Variants in XPA observed in about 807,000 individuals in gnomAD.
The protein encoded by XPA is DNA repair protein complementing XP-A cells.
A neutral mutation model predicts 35.7 loss-of-function variants in XPA; 27 were observed. The observed-to-expected ratio is 0.76, with a 90% CI of 0.56 to 1.04. The LOEUF is 1.04. Among genes scored for constraint, XPA ranks in the 50% least tolerant of loss-of-function variants. The pLI is 0.00. For missense variants in XPA, 354 were observed against 342.7 expected, an observed-to-expected ratio of 1.03 and a Z score of -0.26; for synonymous variants, 133 against 118.4, an observed-to-expected ratio of 1.12 and a Z score of -0.80.
intron 2 of XPA, 85 bp downstream of exon 2, chr9:97,693,564 A>T (rs983995389): frequency 3.4e-6 from 4 of 1,182,728 alleles, no homozygotes; most frequent in Non-Finnish European, 5.0e-6. Flanking sequence ...TAGTTATGGC[A>T]TTATTTAGCA....
chr9:97,697,170 G>A lies in XPA; in HGVS notation c.123C>T (p.Ala41=), dbSNP rs2131411339. Reference sequence around the variant, plus strand: ...CCGAGTAGGGCCGGGCAGCCAGCCGGGCCTGGCGCAGCATCAGTGCCCGCT... The same window carrying A: ...CCGAGTAGGGCCGGGCAGCCAGCCGAGCCTGGCGCAGCATCAGTGCCCGCT... ...KRQRALMLRQ[A]RLAARPYSAT... Residue 41 remains alanine (A), a synonymous_variant, in exon 1 of 6, where the codon GCC becomes GCT. Transcript: ENST00000375128. 3.2e-6 allele frequency: 5 copies of A among 1,584,598 alleles called. No homozygotes were observed. Among genetic ancestry groups the A allele is most frequent in the Non-Finnish European group, 4.3e-6 (5 of 1,169,388 alleles).
the XPA span, among the ~76,000 whole-genome samples, chr9:97,657,885 G>GCTCTCGCT: frequency 8.8e-6 from 1 of 114,028 alleles, no homozygotes; most frequent in Admixed American, 9.2e-5. Context: ...GCCCCGGTAA[G>GCTCTCGCT]CTCTCTCTCT....
At chr9:97,656,240 A>C in the XPA span, among the ~76,000 whole-genome samples, 1 of 152,240 alleles carries the variant, frequency 6.6e-6, no homozygotes, top group Non-Finnish European at 1.5e-5. Flanking sequence ...AAAATTAGGC[A>C]ACCATGCCAT....
intron 4 of XPA, 66 bp from the exon 5 acceptor site, chr9:97,685,106 T>C (rs1828674729): frequency 1.5e-6 from 2 of 1,317,732 alleles, no homozygotes; most frequent in South Asian, 1.2e-5. Context: ...TAGTTATAAC[T>C]GTCAAATCCA....
intron 3 of XPA, among the ~76,000 whole-genome samples, chr9:97,689,204 T>C (rs1828808367): frequency 6.6e-6 from 1 of 152,052 alleles, no homozygotes; most frequent in Admixed American, 6.6e-5. Context: ...AGAGGGATCA[T>C]TAGGGCTGGG....
chr9:97,665,015 A>G, the XPA span, among the ~76,000 whole-genome samples: 1 of 152,322 alleles, frequency 6.6e-6, no homozygotes, highest in East Asian at 1.9e-4. Context: ...GTTCTTATTT[A>G]TGAAGTTCAC....
the XPA span, among the ~76,000 whole-genome samples, chr9:97,669,290 T>C: frequency 0.095 from 14,405 of 152,194 alleles, 2,344 homozygotes; most frequent in African/African-American, 0.33. Flanking sequence ...ATGAACATTT[T>C]AATGCATAGA....
intron 1 of XPA, 130 bp downstream of exon 1, chr9:97,696,991 G>C (rs935411597): frequency 1.6e-6 from 2 of 1,229,944 alleles, no homozygotes; most frequent in African/African-American, 3.2e-5. Flanking sequence ...CTCCGACTCG[G>C]GGAGAATCTG....
intron 5 of XPA, among the ~76,000 whole-genome samples, chr9:97,683,652 A>G (rs1828614714): frequency 2.6e-5 from 4 of 152,316 alleles, no homozygotes; most frequent in Middle Eastern, 6.8e-3. Context: ...GTTGCTGATG[A>G]TTGTCTCTGA....
the XPA span, among the ~76,000 whole-genome samples, chr9:97,660,521 C>T: frequency 5.9e-5 from 9 of 152,184 alleles, no homozygotes; most frequent in South Asian, 2.1e-4. Flanking sequence ...GACTTCATTT[C>T]CACGGTCCCG....
chr9:97,662,856 T>C, the XPA span: 1 of 852,922 alleles, frequency 1.2e-6, no homozygotes, highest in East Asian at 2.5e-5. Context: ...CATTTATATA[T>C]TGCATTATAA....
chr9:97,675,199 A>G lies in XPA; in HGVS notation c.*240T>C. ...GCACCTACTCTAGCACTCAGCTCCC[A>G]TCTCTGTTGTAAGAAGGCAATCACA... On this transcript the variant is annotated 3_prime_UTR_variant, in exon 6 of 6. Coordinates refer to ENST00000375128, the MANE Select transcript of XPA (RefSeq NM_000380.4). 3.2e-6 allele frequency: 2 copies of G among 628,752 alleles called. No individual in the cohort carries two copies. Among genetic ancestry groups the G allele is most frequent in the East Asian group, 3.2e-5 (1 of 31,204 alleles). The allele number at this position is 628,752 out of a possible 1,614,324, so 38.9% of individuals were successfully genotyped here.
At chr9:97,672,303 G>A (rs1263567464), downstream of XPA, 1 of 152,090 alleles carries the variant, frequency 6.6e-6, no homozygotes, top group Non-Finnish European at 1.5e-5. Flanking sequence ...CACAAAATAG[G>A]TATAATTTTT....
At chr9:97,673,772 CTG>C (rs1183299242), downstream of XPA, 1 of 152,150 alleles carries the variant, frequency 6.6e-6, no homozygotes, top group African/African-American at 2.4e-5. Context: ...TAATTTATAA[CTG>C]TACTTGAAAA....
chr9:97,683,685 G>A (rs115676686), intron 5 of XPA, among the ~76,000 whole-genome samples: 253 of 148,778 alleles, frequency 1.7e-3, no homozygotes, highest in African/African-American at 6.3e-3. Flanking sequence ...TGCAATAAGA[G>A]CTCTTTGTAA....
At chr9:97,677,635 G>A (rs1046830608) in intron 5 of XPA, among the ~76,000 whole-genome samples, 1 of 152,128 alleles carries the variant, frequency 6.6e-6, no homozygotes, top group Non-Finnish European at 1.5e-5. Flanking sequence ...GTTTGAGCCT[G>A]CAGTGAGCCA....
At chr9:97,668,619 C>G in the XPA span, among the ~76,000 whole-genome samples, 3 of 152,088 alleles carry the variant, frequency 2.0e-5, no homozygotes, top group Non-Finnish European at 4.4e-5. Flanking sequence ...ACTAAATTTC[C>G]CTGGCCTAGA....
rs373762653 is a variant in XPA, at chr9:97,687,274, T to G, written c.390-13A>C. The G allele has an allele frequency of 1.1e-4, 175 of 1,596,482 alleles. 4 individuals are homozygous for G. The Middle Eastern group carries it at 2.9e-3, about 27-fold the overall frequency. The stretch of plus-strand genomic sequence containing the variant: ...ATCATCAGCATCTCTGAAAACAGAT[T>G]AAGTCCATTATATAAATTAGTTATT... On this transcript the variant is annotated splice_polypyrimidine_tract_variant and intron_variant, in intron 3 of 5. Transcript: ENST00000375128.
At chr9:97,692,431 A>T (rs1828922329) in intron 2 of XPA, among the ~76,000 whole-genome samples, 1 of 152,228 alleles carries the variant, frequency 6.6e-6, no homozygotes, top group Non-Finnish European at 1.5e-5. Context: ...AAACAAAAAA[A>T]TCATGCTTTT....
Sources: gnomAD v4.1 joint callset for allele counts (sites outside exome capture counted in the v4.1 genomes callset) on GRCh38, gnomAD v4.1.1 for gene constraint, MANE v1.5 for transcripts, NCBI Gene and HGNC (gene_info 2026-07-23, HGNC 2026-07-21) for gene names.